MAP2: variants seen among roughly 807,000 people sequenced by gnomAD.
MAP2 encodes the protein microtubule-associated protein 2.
Under a neutral mutation model 137.6 loss-of-function variants are expected in MAP2, and 14 were observed. That is an observed-to-expected ratio of 0.10 (90% CI 0.07 to 0.16). The LOEUF is 0.16. Ranked by LOEUF, MAP2 falls within the 10% of genes least tolerant of loss-of-function variation. MAP2 has a pLI of 1.00. For synonymous variants in MAP2, 786 were observed against 782.3 expected, an observed-to-expected ratio of 1.00 and a Z score of -0.08; for missense variants, 2,088 against 2,191.5, an observed-to-expected ratio of 0.95 and a Z score of 0.94.
At chr2:209,638,662 A>G (rs7566048) in intron 4 of MAP2, among the ~76,000 whole-genome samples, 9,195 of 152,212 alleles carry the variant, frequency 0.06, 655 homozygotes, top group South Asian at 0.23. Flanking sequence ...TTTTGCATCC[A>G]TCCATTTTTC....
intron 4 of MAP2, among the ~76,000 whole-genome samples, chr2:209,628,045 T>A (rs1361455201): frequency 6.6e-6 from 1 of 152,130 alleles, no homozygotes; most frequent in Non-Finnish European, 1.5e-5. Context: ...GTGTTTGAAG[T>A]TTGAGTCTTA....
intron 1 of MAP2, among the ~76,000 whole-genome samples, chr2:209,448,507 C>G (rs1409886484): frequency 2.0e-5 from 3 of 152,140 alleles, no homozygotes; most frequent in African/African-American, 4.8e-5. Flanking sequence ...AAACTTGGTG[C>G]TTTAAAACAA....
chr2:209,494,114 C>T (rs1483354290), intron 1 of MAP2, among the ~76,000 whole-genome samples: 3 of 152,016 alleles, frequency 2.0e-5, no homozygotes, highest in African/African-American at 4.8e-5. Flanking sequence ...TAAAAAAGAA[C>T]GAGTTCATGT....
chr2:209,698,892 A>G (rs184710037), intron 10 of MAP2, among the ~76,000 whole-genome samples: 6 of 152,326 alleles, frequency 3.9e-5, no homozygotes, highest in Admixed American at 3.9e-4. Context: ...AAAGGATGAA[A>G]GATGTCATCA....
At chr2:209,474,268 A>G (rs998468010) in intron 1 of MAP2, among the ~76,000 whole-genome samples, 2 of 152,196 alleles carry the variant, frequency 1.3e-5, no homozygotes, top group Non-Finnish European at 2.9e-5. Context: ...CTGCAATTCA[A>G]TGGAGCCAAA....
chr2:209,452,355 C>T (rs1409996942), intron 1 of MAP2, among the ~76,000 whole-genome samples: 1 of 152,202 alleles, frequency 6.6e-6, no homozygotes, highest in Non-Finnish European at 1.5e-5. Flanking sequence ...CTGGCAGGTC[C>T]TTCTCTCTAG....
At position 209,629,902 on chromosome 2, in the gene MAP2, C is replaced by A. The variant is rs1199366901; in HGVS notation, c.-30+4773C>A. The stretch of plus-strand genomic sequence containing the variant: ...CTACTGATTTCTCAGTAATTCTGGG[C>A]AGATTGTTTGGGCTGGAATTCTGTA... On this transcript the variant is annotated intron_variant, in intron 4 of 15. Transcript: ENST00000682079. Among the ~76,000 whole-genome samples the A allele has an allele frequency of 2.6e-5, 4 of 152,248 alleles. 1 individual carries two copies. In the South Asian group the frequency reaches 6.2e-4, roughly 24 times the overall value.
At chr2:209,474,979 T>C (rs1421069691) in intron 1 of MAP2, among the ~76,000 whole-genome samples, 4 of 152,088 alleles carry the variant, frequency 2.6e-5, no homozygotes, top group African/African-American at 9.6e-5. Flanking sequence ...GGGTTTTCAC[T>C]CTAGTATTAT....
At chr2:209,625,698 A>T (rs1418670012) in intron 4 of MAP2, among the ~76,000 whole-genome samples, 2 of 152,174 alleles carry the variant, frequency 1.3e-5, no homozygotes, top group African/African-American at 2.4e-5. Flanking sequence ...TCTAGCAATC[A>T]GACTTTCCTA....
chr2:209,674,501 TA>T (rs1409828807), intron 5 of MAP2, among the ~76,000 whole-genome samples: 1 of 151,750 alleles, frequency 6.6e-6, no homozygotes, highest in Non-Finnish European at 1.5e-5. Flanking sequence ...TAGTATGAAA[TA>T]ACTAGAAAGT....
chr2:209,583,690 C>T (rs181358573), intron 3 of MAP2, among the ~76,000 whole-genome samples: 9 of 151,858 alleles, frequency 5.9e-5, no homozygotes, highest in Admixed American at 4.6e-4. Flanking sequence ...AGAACATTTC[C>T]GGAGCTCAGT....
intron 1 of MAP2, among the ~76,000 whole-genome samples, chr2:209,489,665 A>G (rs1212213611): frequency 6.6e-6 from 1 of 152,206 alleles, no homozygotes; most frequent in Non-Finnish European, 1.5e-5. Context: ...TCAGTAGCCA[A>G]ATTGATCAAG....
chr2:209,594,416 T>C (rs538666662), intron 3 of MAP2, among the ~76,000 whole-genome samples: 1 of 152,300 alleles, frequency 6.6e-6, no homozygotes, highest in Admixed American at 6.5e-5. Context: ...GCCATGATGT[T>C]GCTCCCATAG....
Position 209,695,136 on chromosome 2 carries a change from C to T in MAP2, c.2966C>T (p.Thr989Ile), listed in dbSNP as rs756090589. 3.7e-6 allele frequency: 6 copies of T among 1,614,100 alleles called. No individual in the cohort carries two copies. The highest frequency in any genetic ancestry group is 2.2e-5 in the South Asian group (2 of 91,082). The change falls in exon 8 of 16, where the codon ACA (threonine) becomes ATA (isoleucine). Residue 989 changes from threonine (T) to isoleucine (I), a missense_variant. Transcript: ENST00000682079. ...GAAGAGGCTGGTGATGAAATAGAAACATTCGGATTAGGAGTAACCTATGAG... is the reference window on the plus strand; with the variant it reads ...GAAGAGGCTGGTGATGAAATAGAAATATTCGGATTAGGAGTAACCTATGAG... ...KTEEAGDEIE[T>I]FGLGVTYEQA...
rs567406506 is a variant in MAP2 at position 209,569,480 on chromosome 2, G to A, written c.-171-10556G>A. On this transcript the variant is annotated intron_variant, in intron 2 of 15. Transcript: ENST00000682079. Reference sequence around the variant, plus strand: ...AAGTGAATGGGGAAAGACAATAAAGGATAAACATAACAAGTAAATTAATTA... The same window carrying A: ...AAGTGAATGGGGAAAGACAATAAAGAATAAACATAACAAGTAAATTAATTA... 4.0e-5 allele frequency among the ~76,000 whole-genome samples: 6 copies of A among 151,864 alleles called. No individual in the cohort carries two copies. In the South Asian group the frequency reaches 1.2e-3, roughly 31 times the overall value.
intron 1 of MAP2, among the ~76,000 whole-genome samples, chr2:209,466,605 A>G (rs893906157): frequency 6.6e-6 from 1 of 152,228 alleles, no homozygotes; most frequent in Non-Finnish European, 1.5e-5. Context: ...AAGAAAGTAG[A>G]ACTTTGAATG....
intron 5 of MAP2, among the ~76,000 whole-genome samples, chr2:209,675,443 A>G (rs1418388871): frequency 6.6e-6 from 1 of 151,892 alleles, no homozygotes; most frequent in Non-Finnish European, 1.5e-5. Context: ...CACGATTAGT[A>G]CTGGCTGATA....
intron 1 of MAP2, among the ~76,000 whole-genome samples, chr2:209,500,593 AT>A (rs943291390): frequency 7.3e-5 from 11 of 150,950 alleles, no homozygotes; most frequent in Admixed American, 1.3e-4. Context: ...GACAATAGGA[AT>A]TTTTTTTTTC....
chr2:209,646,747 G>C (rs2094444847), intron 4 of MAP2, among the ~76,000 whole-genome samples: 1 of 152,056 alleles, frequency 6.6e-6, no homozygotes, highest in Non-Finnish European at 1.5e-5. Flanking sequence ...GTTTTATAGT[G>C]AGCTGGATAT....
Sources: allele counts gnomAD v4.1 joint callset (sites outside exome capture counted in the v4.1 genomes callset), GRCh38; gene constraint gnomAD v4.1.1; transcripts MANE v1.5; gene names NCBI Gene and HGNC (gene_info 2026-07-23, HGNC 2026-07-21).